The following RBM26 variants were observed in gnomAD, a reference collection of about 807,000 sequenced individuals.
RBM26 encodes the protein RNA binding motif protein 26.
Under a neutral mutation model 123.6 loss-of-function variants are expected in RBM26, and 30 were observed. The observed-to-expected ratio is 0.24, with a 90% CI of 0.18 to 0.33. RBM26 has a LOEUF of 0.33. Ranked by LOEUF, RBM26 falls within the 10% of genes least tolerant of loss-of-function variation. The pLI, the probability that RBM26 is intolerant of heterozygous loss-of-function variation, is 1.00. For missense variants in RBM26, 947 were observed against 1,203.6 expected (o/e 0.79, Z 3.15); for synonymous variants, 400 against 404.4 (o/e 0.99, Z 0.13).
chr13:79,322,450 C>T lies in RBM26; in HGVS notation c.2833G>A (p.Gly945Arg). Residue 945 changes from glycine to arginine, a missense_variant, in exon 21 of 22, where the codon GGA becomes AGA. By Grantham distance (125) the Gly-to-Arg change is moderately radical (BLOSUM62 -2). Around this residue, in one of 5 missense-constraint regions of RBM26, gnomAD observed 164 missense variants for 215.3 expected, o/e 0.76. Transcript: ENST00000438737. ...AGATCTTGCCCTTTGAAACGAGCTCCATGAACTGCAGCCTAAAATGATTAA... is the reference window on the plus strand; with the variant it reads ...AGATCTTGCCCTTTGAAACGAGCTCTATGAACTGCAGCCTAAAATGATTAA... ...RAEAEAAAVH[G>R]ARFKGQDLKL... is the part of the protein sequence containing the mutation. The T allele has an allele frequency of 6.4e-7, 1 of 1,560,800 alleles. No individual in the cohort carries two copies.
intron 13 of RBM26, among the ~76,000 whole-genome samples, chr13:79,353,580 T>C (rs1265161587): frequency 1.3e-5 from 2 of 152,168 alleles, no homozygotes; most frequent in Non-Finnish European, 2.9e-5. Context: ...TCTTCTAAAG[T>C]ATGTTTATTT....
intron 14 of RBM26, among the ~76,000 whole-genome samples, chr13:79,351,389 C>T (rs1485176921): frequency 1.3e-5 from 2 of 152,134 alleles, no homozygotes; most frequent in Admixed American, 1.3e-4. Flanking sequence ...TCACCTCAAA[C>T]ACTTCCAGTG....
intron 20 of RBM26, among the ~76,000 whole-genome samples, chr13:79,323,893 A>G (rs2068010582): frequency 6.6e-6 from 1 of 151,802 alleles, no homozygotes; most frequent in African/African-American, 2.4e-5. Flanking sequence ...GTAAAGATGT[A>G]AATTTACTCA....
intron 1 of RBM26, among the ~76,000 whole-genome samples, chr13:79,393,728 G>T (rs149461329): frequency 6.6e-6 from 1 of 152,152 alleles, no homozygotes; most frequent in Non-Finnish European, 1.5e-5. Flanking sequence ...ATCACCTTGT[G>T]GGGGTGGGAA....
At chr13:79,369,031 TA>T (rs10710579) in intron 5 of RBM26, 41 bp from the exon 6 acceptor site, 465,768 of 1,010,336 alleles carry the variant, frequency 0.46, 62,821 homozygotes, top group African/African-American at 0.55. Flanking sequence ...TACACTGTAT[TA>T]AAAAAAAAAA....
intron 20 of RBM26, among the ~76,000 whole-genome samples, chr13:79,323,626 T>TA (rs1408613045): frequency 1.3e-5 from 2 of 151,308 alleles, no homozygotes; most frequent in African/African-American, 2.4e-5. Flanking sequence ...TACATTCAGC[T>TA]AAAAAAAATT....
At chr13:79,371,281 C>T in intron 4 of RBM26, 119 bp from the exon 5 acceptor site, 1 of 795,280 alleles carries the variant, frequency 1.3e-6, no homozygotes, top group Non-Finnish European at 2.0e-6. Flanking sequence ...TACCATCAGA[C>T]AACTGAAAAA....
intron 20 of RBM26, among the ~76,000 whole-genome samples, chr13:79,327,794 C>G (rs2068665691): frequency 6.6e-6 from 1 of 151,952 alleles, no homozygotes; most frequent in Non-Finnish European, 1.5e-5. Flanking sequence ...GGGTGGGAGA[C>G]AGATGAGGGT....
intron 1 of RBM26, among the ~76,000 whole-genome samples, chr13:79,381,702 T>G (rs1041519322): frequency 3.3e-5 from 5 of 152,042 alleles, no homozygotes; most frequent in African/African-American, 1.2e-4. Flanking sequence ...TTCATGATTT[T>G]TATAATTATT....
rs778704567 is a variant in RBM26 at position 79,354,582 on chromosome 13, G to GA, written c.1855-13dup. 20 of 1,565,462 alleles carry GA rather than the reference G, an allele frequency of 1.3e-5. No individual in the cohort carries two copies. In the African/African-American group the frequency reaches 2.6e-4, roughly 20 times the overall value. On this transcript the variant is annotated splice_polypyrimidine_tract_variant and intron_variant, in intron 12 of 21. Coordinates refer to ENST00000438737, the MANE Select transcript of RBM26 (RefSeq NM_001366735.2). ...AAAGGCTGCATTACCTCAGAACAAG[G>GA]AAAAAATGTTAAACAAGTTGATTCA...
chr13:79,358,577 A>C lies in RBM26; in HGVS notation c.1530-144T>G, dbSNP rs2074299951. On this transcript the variant is annotated intron_variant, in intron 10 of 21. Transcript: ENST00000438737. ...ATTACTGGTTGATAAAGGAAATTTA[A>C]ATTTTCTTCCAACAATGAAGTTTCC... The C allele has an allele frequency of 1.5e-5, 10 of 686,628 alleles. No homozygotes were observed. In the South Asian group the frequency reaches 1.8e-4, roughly 12 times the overall value. 42.5% of individuals were successfully genotyped at this position (686,628 alleles called of 1,614,324 possible). A position where few individuals can be genotyped will look rare whatever the true frequency, so the allele number is the denominator to read the frequency against.
At position 79,320,120 on chromosome 13, in the gene RBM26, A is replaced by G. The variant is rs2067519900; in HGVS notation, c.*501T>C. ...GGTAAAATACATACACAGTCCAACA[A>G]AAGGCTAATACATAGTAAAGCCTAA... On this transcript the variant is annotated 3_prime_UTR_variant, in exon 22 of 22. Transcript: ENST00000438737. 1 of 969,870 alleles carries G rather than the reference A, an allele frequency of 1.0e-6. No homozygotes were observed. The highest frequency in any genetic ancestry group is 1.1e-4 in the East Asian group (1 of 8,716). 60.1% of individuals were successfully genotyped at this position (969,870 alleles called of 1,614,324 possible). A position where few individuals can be genotyped will look rare whatever the true frequency, so the allele number is the denominator to read the frequency against.
At chr13:79,392,258 A>C (rs1210225718) in intron 1 of RBM26, among the ~76,000 whole-genome samples, 5 of 133,238 alleles carry the variant, frequency 3.8e-5, no homozygotes, top group African/African-American at 1.1e-4. Flanking sequence ...ATACATAATT[A>C]TTATATAATT....
At chr13:79,386,504 C>G (rs970059713) in intron 1 of RBM26, among the ~76,000 whole-genome samples, 2 of 143,274 alleles carry the variant, frequency 1.4e-5, no homozygotes, top group African/African-American at 5.1e-5. Flanking sequence ...CTGTTCAGTG[C>G]AAACAGCAGC....
intron 20 of RBM26, among the ~76,000 whole-genome samples, chr13:79,328,249 T>A (rs1306588933): frequency 6.6e-6 from 1 of 152,088 alleles, no homozygotes; most frequent in Admixed American, 6.6e-5. Flanking sequence ...CTACTGAGTT[T>A]AGAAAGCTAG....
At chr13:79,318,622 C>T (rs1593846358), downstream of RBM26, among the ~76,000 whole-genome samples, 1 of 151,378 alleles carries the variant, frequency 6.6e-6, no homozygotes, top group East Asian at 1.9e-4. Flanking sequence ...AGCAACATGG[C>T]TTAAAACATT....
intron 20 of RBM26, among the ~76,000 whole-genome samples, chr13:79,324,537 T>C (rs1027556844): frequency 3.3e-5 from 5 of 151,970 alleles, no homozygotes; most frequent in Admixed American, 2.0e-4. Flanking sequence ...TTTTCCCCGA[T>C]TGGATTTTGA....
At chr13:79,354,282 T>TAAA (rs11313343) in intron 13 of RBM26, among the ~76,000 whole-genome samples, 157 bp downstream of exon 13, 1 of 138,968 alleles carries the variant, frequency 7.2e-6, no homozygotes, top group Non-Finnish European at 1.6e-5. Flanking sequence ...TGGTAAAAAT[T>TAAA]AAAAAAAAAA....
At position 79,322,377 on chromosome 13, in the gene RBM26, G is replaced by C; in HGVS notation, c.2906C>G (p.Thr969Arg). 6.4e-7 allele frequency: 1 copy of C among 1,574,230 alleles called. No homozygotes were observed. Among genetic ancestry groups the C allele is most frequent in the South Asian group, 1.2e-5 (1 of 84,138 alleles). The stretch of plus-strand genomic sequence containing the variant: ...TTCTTCATCAGGCTCAACTTCTTCT[G>C]TTTCAACAGCTGAAATATTAGTTAC... ...KPVTNISAVE[T>R]EEVEPDEEEF... Residue 969 changes from threonine (T) to arginine (R), a missense_variant, in exon 21 of 22, where the codon ACA (threonine) becomes AGA (arginine). By Grantham distance (71) the Thr-to-Arg change is moderately conservative. Transcript: ENST00000438737.
Sources: gnomAD v4.1 joint callset for allele counts (sites outside exome capture counted in the v4.1 genomes callset) on GRCh38, gnomAD v4.1.1 for gene constraint, gnomAD v4.1.1 regional missense constraint, MANE v1.5 for transcripts, NCBI Gene and HGNC (gene_info 2026-07-23, HGNC 2026-07-21) for gene names.